Variants in CACNB2 observed in about 807,000 individuals in gnomAD.
The protein encoded by CACNB2 is voltage-dependent L-type calcium channel subunit beta-2.
A neutral mutation model predicts 73.3 loss-of-function variants in CACNB2; 42 were observed. The observed-to-expected ratio is 0.57, with a 90% CI of 0.45 to 0.74. The LOEUF (loss-of-function observed/expected upper bound fraction) is 0.74. Among genes scored for constraint, CACNB2 ranks in the 30% least tolerant of loss-of-function variants. The probability of loss-of-function intolerance (pLI) is 0.00; values close to 1 mark genes in which losing one functional copy is unlikely to be tolerated. For synonymous variants in CACNB2, 348 were observed against 310.3 expected (o/e 1.12, Z -1.28); for missense variants, 940 against 853.0 (o/e 1.10, Z -1.27).
intron 9 of CACNB2, among the ~76,000 whole-genome samples, chr10:18,526,508 T>C (rs1318032940): frequency 3.3e-5 from 5 of 152,182 alleles, no homozygotes; most frequent in East Asian, 1.9e-4. Context: ...AACCAAACTT[T>C]TCCTTTTCGC....
intron 9 of CACNB2, among the ~76,000 whole-genome samples, chr10:18,521,173 C>T (rs1242057754): frequency 6.6e-6 from 1 of 152,226 alleles, no homozygotes; most frequent in Non-Finnish European, 1.5e-5. Flanking sequence ...AAACCTGTAG[C>T]AGTAACACTG....
intron 3 of CACNB2, among the ~76,000 whole-genome samples, chr10:18,412,846 C>T (rs1051922587): frequency 1.3e-5 from 2 of 152,232 alleles, no homozygotes; most frequent in Non-Finnish European, 2.9e-5. Flanking sequence ...CCAAGAGATC[C>T]ATGGATTCTT....
chr10:18,492,457 C>T (rs756275771), intron 3 of CACNB2, among the ~76,000 whole-genome samples: 1 of 151,930 alleles, frequency 6.6e-6, no homozygotes, highest in South Asian at 2.1e-4. Flanking sequence ...CCCGTCTCTA[C>T]TAAAAATACA....
chr10:18,312,249 C>T (rs2039990874), intron 2 of CACNB2, among the ~76,000 whole-genome samples: 1 of 152,140 alleles, frequency 6.6e-6, no homozygotes, highest in African/African-American at 2.4e-5. Flanking sequence ...TACTCAGTCA[C>T]ACATTTTAAA....
At chr10:18,375,351 C>A (rs2042753616) in intron 2 of CACNB2, among the ~76,000 whole-genome samples, 1 of 152,106 alleles carries the variant, frequency 6.6e-6, no homozygotes, top group Admixed American at 6.5e-5. Context: ...TAAAGATAAT[C>A]TCAATGTGCT....
chr10:18,464,370 C>A (rs2047746049), intron 3 of CACNB2, among the ~76,000 whole-genome samples: 1 of 138,784 alleles, frequency 7.2e-6, no homozygotes. Flanking sequence ...AGTGATCACA[C>A]CACAGCCTTC....
At chr10:18,349,471 C>A (rs1478396782) in intron 2 of CACNB2, among the ~76,000 whole-genome samples, 1 of 152,166 alleles carries the variant, frequency 6.6e-6, no homozygotes, top group Non-Finnish European at 1.5e-5. Context: ...ATTTCCACAA[C>A]TGAGTTTGCC....
intron 2 of CACNB2, among the ~76,000 whole-genome samples, chr10:18,281,111 C>G (rs1161151928): frequency 6.6e-6 from 1 of 152,190 alleles, no homozygotes; most frequent in Non-Finnish European, 1.5e-5. Flanking sequence ...CTTAGACCAT[C>G]TCTATTTGAG....
chr10:18,304,441 T>G (rs2039648941), intron 2 of CACNB2, among the ~76,000 whole-genome samples: 1 of 152,278 alleles, frequency 6.6e-6, no homozygotes, highest in Admixed American at 6.5e-5. Context: ...ACATTTTGTT[T>G]CAAATATTGC....
At chr10:18,240,524 C>T (rs958440377) in intron 2 of CACNB2, among the ~76,000 whole-genome samples, 2 of 152,110 alleles carry the variant, frequency 1.3e-5, no homozygotes, top group African/African-American at 4.8e-5. Context: ...AGAACAAATC[C>T]AACTTCTTTC....
At chr10:18,459,164 C>T (rs142342845) in intron 3 of CACNB2, among the ~76,000 whole-genome samples, 1 of 152,240 alleles carries the variant, frequency 6.6e-6, no homozygotes, top group East Asian at 1.9e-4. Flanking sequence ...ATTTTAAAAA[C>T]ATACAGTTTT....
intron 3 of CACNB2, among the ~76,000 whole-genome samples, chr10:18,479,696 T>G (rs976979416): frequency 6.0e-5 from 9 of 150,904 alleles, no homozygotes; most frequent in Admixed American, 2.0e-4. Context: ...TGTCTCTCTC[T>G]CTCGCTCGCT....
intron 2 of CACNB2, chr10:18,224,442 T>C (rs925487799): frequency 6.6e-6 from 1 of 152,194 alleles, no homozygotes; most frequent in African/African-American, 2.4e-5. Context: ...ATCCATTTTA[T>C]TGAAGAAAAT....
At chr10:18,292,480 A>AC (rs1451315233) in intron 2 of CACNB2, among the ~76,000 whole-genome samples, 3 of 151,984 alleles carry the variant, frequency 2.0e-5, no homozygotes, top group Admixed American at 6.6e-5. Flanking sequence ...ATATGGTAAA[A>AC]CCCCGTCCCT....
At chr10:18,415,942 T>A (rs2044932637) in intron 3 of CACNB2, among the ~76,000 whole-genome samples, 2 of 152,098 alleles carry the variant, frequency 1.3e-5, no homozygotes, top group African/African-American at 2.4e-5. Context: ...ATTTTTTTTT[T>A]ATTTGCTCAA....
Position 18,140,614 on chromosome 10 carries a change from G to A in CACNB2, c.-123G>A, listed in dbSNP as rs2030277482. ...GGGGCGCTGCGGGGCGCTGCGCCGA[G>A]AACGGCCGGGCCTGAGCCCTGGGCG... On this transcript the variant is annotated 5_prime_UTR_variant, in exon 1 of 14. Coordinates refer to ENST00000324631, the MANE Select transcript of CACNB2 (RefSeq NM_201596.3). The A allele has an allele frequency of 4.1e-6, 3 of 735,080 alleles. No individual in the cohort carries two copies. Among genetic ancestry groups the A allele is most frequent in the South Asian group, 2.2e-5 (1 of 45,452 alleles). 45.5% of individuals were successfully genotyped at this position (735,080 alleles called of 1,614,324 possible).
At chr10:18,256,077 C>T (rs2037275263) in intron 2 of CACNB2, among the ~76,000 whole-genome samples, 1 of 152,156 alleles carries the variant, frequency 6.6e-6, no homozygotes, top group African/African-American at 2.4e-5. Flanking sequence ...CATATATCTT[C>T]CATCGATATT....
At chr10:18,261,422 C>A in intron 2 of CACNB2, 1 of 1,448,568 alleles carries the variant, frequency 6.9e-7, no homozygotes, top group African/African-American at 1.4e-5. Flanking sequence ...CTGTGCTGAA[C>A]CAACCAGACA....
At chr10:18,396,773 A>G (rs1265485676) in intron 2 of CACNB2, among the ~76,000 whole-genome samples, 1 of 151,996 alleles carries the variant, frequency 6.6e-6, no homozygotes, top group Non-Finnish European at 1.5e-5. Context: ...GCCTGGCCCC[A>G]TTTTGCTTTA....
Sources: allele counts gnomAD v4.1 joint callset (sites outside exome capture counted in the v4.1 genomes callset), GRCh38; gene constraint gnomAD v4.1.1; transcripts MANE v1.5; gene names NCBI Gene and HGNC (gene_info 2026-07-23, HGNC 2026-07-21).